Variants in CTNNA2 observed in about 807,000 individuals in gnomAD.
The protein encoded by CTNNA2 is catenin alpha 2.
A neutral mutation model predicts 101.0 loss-of-function variants in CTNNA2; 42 were observed. The observed-to-expected ratio is 0.42, with a 90% CI of 0.32 to 0.54. CTNNA2 has a LOEUF of 0.54. Among genes scored for constraint, CTNNA2 ranks in the 20% least tolerant of loss-of-function variants. The pLI is 0.14. For synonymous variants in CTNNA2, 450 were observed against 456.4 expected (o/e 0.99, Z 0.18); for missense variants, 871 against 1,223.1 (o/e 0.71, Z 4.29).
intron 5 of CTNNA2, among the ~76,000 whole-genome samples, chr2:79,872,002 A>AG (rs1353998858): frequency 6.6e-6 from 1 of 152,244 alleles, no homozygotes; most frequent in Non-Finnish European, 1.5e-5. Flanking sequence ...ACAGAAGGAA[A>AG]GGGGAAAAAC....
At chr2:79,315,554 C>A (rs1400482375) in intron 3 of CTNNA2, among the ~76,000 whole-genome samples, 1 of 152,126 alleles carries the variant, frequency 6.6e-6, no homozygotes, top group Non-Finnish European at 1.5e-5. Flanking sequence ...AAAATCCATT[C>A]AAGTTTTAAG....
chr2:80,508,157 A>T (rs895662160), intron 9 of CTNNA2, among the ~76,000 whole-genome samples: 1 of 152,138 alleles, frequency 6.6e-6, no homozygotes, highest in Non-Finnish European at 1.5e-5. Flanking sequence ...GGTACTTTCC[A>T]GAAGCTTTCT....
intron 4 of CTNNA2, among the ~76,000 whole-genome samples, chr2:79,501,484 A>C (rs1485131674): frequency 6.6e-6 from 1 of 152,216 alleles, no homozygotes. Context: ...CTGTAAAATA[A>C]AGTGGTCAAT....
intron 4 of CTNNA2, among the ~76,000 whole-genome samples, chr2:79,451,513 A>G (rs1670747740): frequency 6.6e-6 from 1 of 152,030 alleles, no homozygotes; most frequent in Non-Finnish European, 1.5e-5. Context: ...AGAGGTTAGT[A>G]ATCATTCGTT....
intron 1 of CTNNA2, among the ~76,000 whole-genome samples, chr2:79,527,875 G>A (rs942810320): frequency 2.0e-5 from 3 of 152,116 alleles, no homozygotes; most frequent in African/African-American, 7.2e-5. Flanking sequence ...TATATCCATA[G>A]CAGCATTATT....
intron 11 of CTNNA2, among the ~76,000 whole-genome samples, chr2:80,546,500 G>A (rs1334085221): frequency 2.0e-5 from 3 of 152,158 alleles, no homozygotes; most frequent in African/African-American, 7.2e-5. Flanking sequence ...GAAGGTTTGT[G>A]ATAACACAGG....
intron 7 of CTNNA2, among the ~76,000 whole-genome samples, chr2:80,379,979 A>C (rs1676341731): frequency 6.6e-6 from 1 of 151,166 alleles, no homozygotes; most frequent in African/African-American, 2.4e-5. Flanking sequence ...GTTACGTAAA[A>C]GTTTTCATTA....
At chr2:79,411,215 C>T (rs1011032546) in intron 4 of CTNNA2, among the ~76,000 whole-genome samples, 25 of 151,782 alleles carry the variant, frequency 1.6e-4, no homozygotes, top group African/African-American at 3.6e-4. Flanking sequence ...GTCTTGCTAG[C>T]GGTCTATCAA....
At position 79,818,527 on chromosome 2, in the gene CTNNA2, G is replaced by T. The variant is rs368003843; in HGVS notation, c.299-39486G>T. 5.9e-5 allele frequency among the ~76,000 whole-genome samples: 9 copies of T among 151,672 alleles called. No homozygotes were observed. The East Asian group carries it at 1.8e-3, about 30-fold the overall frequency. ...AGACGGGGTTTCACCATGTTGGCCA[G>T]TCTGGTCTCGAACTGCTGACCTTGT... On this transcript the variant is annotated intron_variant, in intron 3 of 18. Transcript: ENST00000402739.
intron 7 of CTNNA2, among the ~76,000 whole-genome samples, chr2:80,149,027 T>TC (rs1282136415): frequency 0.027 from 4,050 of 147,678 alleles, 181 homozygotes; most frequent in African/African-American, 0.095. Flanking sequence ...TTTGTTATTT[T>TC]TTTTTTTTTT....
chr2:79,302,440 C>A (rs1348816551), intron 2 of CTNNA2, among the ~76,000 whole-genome samples: 1 of 152,170 alleles, frequency 6.6e-6, no homozygotes, highest in Admixed American at 6.5e-5. Flanking sequence ...AGAGTAGCTG[C>A]AAGGAATGTG....
chr2:80,451,219 T>G (rs11126766), intron 9 of CTNNA2, among the ~76,000 whole-genome samples: 1 of 152,052 alleles, frequency 6.6e-6, no homozygotes, highest in East Asian at 1.9e-4. Flanking sequence ...TCCCCATGTC[T>G]CCTGGGAAGG....
intron 7 of CTNNA2, among the ~76,000 whole-genome samples, chr2:80,195,793 T>G (rs1706795646): frequency 6.6e-6 from 1 of 152,114 alleles, no homozygotes; most frequent in Non-Finnish European, 1.5e-5. Context: ...CACTTGATAT[T>G]GCATATGCCA....
rs564541497 is a variant in CTNNA2, at chr2:80,151,236, G to C, written c.1056+241439G>C. On this transcript the variant is annotated intron_variant, in intron 7 of 18. Coordinates refer to ENST00000402739, the MANE Select transcript of CTNNA2 (RefSeq NM_001282597.3). The stretch of plus-strand genomic sequence containing the variant: ...GCCAACACACTGCCTTTCCTTCCCT[G>C]TGACAGTGATATTCAGATTTTTCCT... Among the ~76,000 whole-genome samples the C allele has an allele frequency of 3.3e-5, 5 of 152,220 alleles. No homozygotes were observed. In the East Asian group the frequency reaches 7.7e-4, roughly 24 times the overall value.
chr2:80,642,379 T>G (rs898836225), intron 18 of CTNNA2, among the ~76,000 whole-genome samples: 1 of 152,166 alleles, frequency 6.6e-6, no homozygotes, highest in African/African-American at 2.4e-5. Flanking sequence ...ACCTTTAGTT[T>G]GTGTCTATTT....
chr2:80,467,926 T>G (rs1572963232), intron 9 of CTNNA2, among the ~76,000 whole-genome samples: 1 of 152,318 alleles, frequency 6.6e-6, no homozygotes, highest in East Asian at 1.9e-4. Flanking sequence ...AAATTTCTGT[T>G]GTTTATAAAT....
intron 2 of CTNNA2, among the ~76,000 whole-genome samples, chr2:79,303,215 A>G (rs776489064): frequency 6.6e-6 from 1 of 152,302 alleles, no homozygotes; most frequent in Middle Eastern, 3.4e-3. Context: ...GATGGAATAG[A>G]AACTGGAGGT....
intron 9 of CTNNA2, among the ~76,000 whole-genome samples, chr2:80,484,138 T>C (rs749067149): frequency 3.7e-4 from 57 of 152,168 alleles, no homozygotes; most frequent in Non-Finnish European, 7.5e-4. Context: ...CCAAGAAATA[T>C]ATAGAAAACC....
chr2:80,626,018 G>T (rs999995854), intron 18 of CTNNA2, among the ~76,000 whole-genome samples: 12 of 151,948 alleles, frequency 7.9e-5, no homozygotes, highest in Non-Finnish European at 1.5e-4. Flanking sequence ...GTAATTTATT[G>T]TAAAAAGAAA....
Sources: gnomAD v4.1 joint callset for allele counts (sites outside exome capture counted in the v4.1 genomes callset) on GRCh38, gnomAD v4.1.1 for gene constraint, MANE v1.5 for transcripts, NCBI Gene and HGNC (gene_info 2026-07-23, HGNC 2026-07-21) for gene names.